GRIK3: variants seen among roughly 807,000 people sequenced by gnomAD.
GRIK3 encodes the protein glutamate ionotropic receptor kainate type subunit 3, also known as glutamate receptor ionotropic, kainate 3.
A neutral mutation model predicts 102.5 loss-of-function variants in GRIK3; 29 were observed. The observed-to-expected ratio is 0.28, with a 90% CI of 0.21 to 0.39. The LOEUF (loss-of-function observed/expected upper bound fraction) is 0.39. Among genes scored for constraint, GRIK3 ranks in the 10% least tolerant of loss-of-function variants. The pLI is 1.00. For missense variants in GRIK3, 908 were observed against 1,252.4 expected, an observed-to-expected ratio of 0.73 and a Z score of 4.15; for synonymous variants, 511 against 504.9, an observed-to-expected ratio of 1.01 and a Z score of -0.16.
At chr1:36,901,811 TG>T (rs1641234389) in intron 1 of GRIK3, among the ~76,000 whole-genome samples, 1 of 152,232 alleles carries the variant, frequency 6.6e-6, no homozygotes, top group South Asian at 2.1e-4. Flanking sequence ...TGATCCCCTA[TG>T]TAGAAAATCC....
intron 1 of GRIK3, among the ~76,000 whole-genome samples, chr1:36,923,767 C>T (rs1160230401): frequency 1.3e-5 from 2 of 152,168 alleles, no homozygotes; most frequent in African/African-American, 4.8e-5. Flanking sequence ...AGAAGCTGAA[C>T]CCCATCGGGG....
intron 1 of GRIK3, among the ~76,000 whole-genome samples, chr1:37,019,092 C>A (rs1642683104): frequency 6.6e-6 from 1 of 152,222 alleles, no homozygotes; most frequent in Non-Finnish European, 1.5e-5. Context: ...AGAATTTCCT[C>A]ACCAGAGGAG....
intron 3 of GRIK3, among the ~76,000 whole-genome samples, chr1:36,876,159 C>A (rs752589208): frequency 1.6e-4 from 24 of 152,086 alleles, no homozygotes; most frequent in Non-Finnish European, 2.9e-4. Context: ...GAGTTTGAGA[C>A]CAGCCTTGGC....
intron 13 of GRIK3, among the ~76,000 whole-genome samples, chr1:36,809,410 T>G (rs1478570997): frequency 2.0e-5 from 3 of 151,946 alleles, no homozygotes; most frequent in Non-Finnish European, 4.4e-5. Context: ...CACCTATCCA[T>G]CCCCCAATCA....
chr1:36,913,061 G>A (rs1476495179), intron 1 of GRIK3, among the ~76,000 whole-genome samples: 1 of 152,206 alleles, frequency 6.6e-6, no homozygotes, highest in African/African-American at 2.4e-5. Context: ...GACTGAGGCT[G>A]AGGGACCTTC....
intron 1 of GRIK3, among the ~76,000 whole-genome samples, chr1:37,032,939 A>C (rs1036089541): frequency 2.6e-5 from 4 of 152,138 alleles, no homozygotes; most frequent in African/African-American, 7.2e-5. Context: ...TAGAGGAGGA[A>C]GGTGGCCCTG....
chr1:36,849,911 G>T, intron 9 of GRIK3: 1 of 189,206 alleles, frequency 5.3e-6, no homozygotes, highest in Non-Finnish European at 1.1e-5. Context: ...GCACCTGCTG[G>T]GCTCTCGAGG....
intron 11 of GRIK3, among the ~76,000 whole-genome samples, chr1:36,821,923 AT>A (rs1372814019): frequency 1.3e-5 from 2 of 152,226 alleles, no homozygotes; most frequent in Non-Finnish European, 1.5e-5. Context: ...CATATATGAT[AT>A]TTTTAACCCC....
chr1:36,905,959 G>A (rs1381557338), intron 1 of GRIK3, among the ~76,000 whole-genome samples: 2 of 152,174 alleles, frequency 1.3e-5, no homozygotes, highest in Admixed American at 6.5e-5. Context: ...TGGGGAGGAG[G>A]GGAAAGAGAG....
At chr1:36,877,003 G>A (rs1640918512) in intron 3 of GRIK3, among the ~76,000 whole-genome samples, 1 of 152,206 alleles carries the variant, frequency 6.6e-6, no homozygotes. Flanking sequence ...ATCTCCTTTT[G>A]AGAAGTTAAT....
chr1:36,822,178 T>C (rs1642702438), intron 11 of GRIK3, among the ~76,000 whole-genome samples: 1 of 152,224 alleles, frequency 6.6e-6, no homozygotes, highest in African/African-American at 2.4e-5. Context: ...AGGGTGGCCT[T>C]GTCTTCTGGG....
chr1:36,805,936 CAA>C (rs749853809), intron 14 of GRIK3, among the ~76,000 whole-genome samples, 166 bp downstream of exon 14: 6 of 31,594 alleles, frequency 1.9e-4, no homozygotes, highest in East Asian at 8.7e-4. Context: ...AACTCCACCT[CAA>C]AAAAAAAAAA....
intron 1 of GRIK3, among the ~76,000 whole-genome samples, chr1:36,965,170 C>T (rs544669210): frequency 1.8e-4 from 27 of 152,262 alleles, no homozygotes; most frequent in African/African-American, 6.5e-4. Flanking sequence ...TCTATTTCCT[C>T]GCCTGTCAAA....
Position 36,969,469 on chromosome 1 carries a change from T to C in GRIK3, c.115+64525A>G, listed in dbSNP as rs561520213. ...CAACACACACATAATCATTGACAGA[T>C]AGATTTATTTATCCATTCATTCAAC... On this transcript the variant is annotated intron_variant, in intron 1 of 15. Transcript: ENST00000373091. 4.6e-5 allele frequency among the ~76,000 whole-genome samples: 7 copies of C among 152,380 alleles called. No individual in the cohort carries two copies. In the South Asian group the frequency reaches 1.4e-3, roughly 32 times the overall value.
At chr1:36,814,269 A>G (rs1437894922) in intron 13 of GRIK3, among the ~76,000 whole-genome samples, 1 of 152,126 alleles carries the variant, frequency 6.6e-6, no homozygotes, top group Non-Finnish European at 1.5e-5. Flanking sequence ...CACCAGGCTT[A>G]TTTATGCCGT....
chr1:36,851,190 G>T (rs1640580938), intron 8 of GRIK3, among the ~76,000 whole-genome samples: 1 of 152,194 alleles, frequency 6.6e-6, no homozygotes, highest in Non-Finnish European at 1.5e-5. Flanking sequence ...TAAACAGAGA[G>T]GCTGAATGCA....
At chr1:36,812,008 C>T (rs533451908) in intron 13 of GRIK3, among the ~76,000 whole-genome samples, 2 of 152,276 alleles carry the variant, frequency 1.3e-5, no homozygotes, top group East Asian at 3.9e-4. Context: ...CGGCATCACA[C>T]TGAATTCTGC....
intron 7 of GRIK3, among the ~76,000 whole-genome samples, chr1:36,854,378 T>C (rs1640624637): frequency 1.3e-5 from 2 of 152,240 alleles, no homozygotes; most frequent in Non-Finnish European, 2.9e-5. Context: ...TATAAAATAC[T>C]GAGAACGGTC....
chr1:36,972,916 C>A (rs933914497), intron 1 of GRIK3, among the ~76,000 whole-genome samples: 3 of 152,160 alleles, frequency 2.0e-5, no homozygotes, highest in Non-Finnish European at 4.4e-5. Flanking sequence ...TCAGGGAAAG[C>A]ACATGGGGGC....
Sources: gnomAD v4.1 joint callset for allele counts (sites outside exome capture counted in the v4.1 genomes callset) on GRCh38, gnomAD v4.1.1 for gene constraint, MANE v1.5 for transcripts, NCBI Gene and HGNC (gene_info 2026-07-23, HGNC 2026-07-21) for gene names.